The following AQP2 variants were observed in gnomAD, a reference collection of about 807,000 sequenced individuals.
AQP2 encodes aquaporin-2.
In AQP2, 20 loss-of-function variants were observed where a neutral mutation model predicts 21.6. The observed-to-expected ratio is 0.92, with a 90% CI of 0.65 to 1.34. The LOEUF is 1.34. AQP2 is among the 40% of genes most tolerant of loss of function. The pLI, the probability that AQP2 is intolerant of heterozygous loss-of-function variation, is 0.00. For synonymous variants in AQP2, 168 were observed against 166.9 expected, an observed-to-expected ratio of 1.01 and a Z score of -0.05; for missense variants, 325 against 363.4, an observed-to-expected ratio of 0.89 and a Z score of 0.86.
intron 1 of AQP2, among the ~76,000 whole-genome samples, chr12:49,953,392 G>A (rs1947343288): frequency 6.6e-6 from 1 of 152,146 alleles, no homozygotes; most frequent in Non-Finnish European, 1.5e-5. Flanking sequence ...TGCTGGGTGC[G>A]GCCCAGTTAT....
rs296768 is a variant in AQP2, at chr12:49,958,103, A to G, written c.*2495A>G. 139,686 of 152,198 alleles carry G rather than the reference A, an allele frequency of 0.92. 65,048 individuals carry two copies. Among genetic ancestry groups the G allele is most frequent in the Non-Finnish European group, 1 (67,781 of 68,038 alleles). The allele number at this position is 152,198 out of a possible 1,614,324, so 9.4% of individuals were successfully genotyped here. On this transcript the variant is annotated 3_prime_UTR_variant, in exon 4 of 4. Coordinates refer to ENST00000199280, the MANE Select transcript of AQP2 (RefSeq NM_000486.6). Reference sequence around the variant, plus strand: ...TGTGCTGGGTGCCTTGCATGCACGGACTTATCTGATCTTCCTCAAACTTCA... The same window carrying G: ...TGTGCTGGGTGCCTTGCATGCACGGGCTTATCTGATCTTCCTCAAACTTCA...
rs559081184 is a variant in AQP2 at position 49,953,245 on chromosome 12, G to C, written c.361-910G>C. On this transcript the variant is annotated intron_variant, in intron 1 of 3. Coordinates refer to ENST00000199280, the MANE Select transcript of AQP2 (RefSeq NM_000486.6). ...CCCAAGGGTTCTGACCTGATGTCTC[G>C]GACCCAGGGGTGGGGGTTCAGGGCC... Among the ~76,000 whole-genome samples, 4 of 152,304 alleles carry C rather than the reference G, an allele frequency of 2.6e-5. No homozygotes were observed. The East Asian group carries it at 7.7e-4, about 29-fold the overall frequency.
At position 49,955,741 on chromosome 12, in the gene AQP2, C is replaced by G; in HGVS notation, c.*133C>G. 4 of 1,209,892 alleles carry G rather than the reference C, an allele frequency of 3.3e-6. No homozygotes were observed. Among genetic ancestry groups the G allele is most frequent in the Non-Finnish European group, 3.5e-6 (3 of 853,244 alleles). 74.9% of individuals were successfully genotyped at this position (1,209,892 alleles called of 1,614,324 possible). A position where few individuals can be genotyped will look rare whatever the true frequency, so the allele number is the denominator to read the frequency against. On this transcript the variant is annotated 3_prime_UTR_variant, in exon 4 of 4. Coordinates refer to ENST00000199280, the MANE Select transcript of AQP2 (RefSeq NM_000486.6). Reference sequence around the variant, plus strand: ...AGAGTAGCTGCTTCCTGGACGTGCGCGCCCAGGCCAGTGCTGTGAGCAGGC... The same window carrying G: ...AGAGTAGCTGCTTCCTGGACGTGCGGGCCCAGGCCAGTGCTGTGAGCAGGC...
At position 49,958,718 on chromosome 12, in the gene AQP2, T is replaced by C. The variant is rs1466236753; in HGVS notation, c.*3110T>C. 1 of 152,246 alleles carries C rather than the reference T, an allele frequency of 6.6e-6. No individual in the cohort carries two copies. Among genetic ancestry groups the C allele is most frequent in the Non-Finnish European group, 1.5e-5 (1 of 68,044 alleles). The allele number at this position is 152,246 out of a possible 1,614,324, so 9.4% of individuals were successfully genotyped here. A position where few individuals can be genotyped will look rare whatever the true frequency, so the allele number is the denominator to read the frequency against. On this transcript the variant is annotated 3_prime_UTR_variant, in exon 4 of 4. Transcript: ENST00000199280. Reference sequence around the variant, plus strand: ...CAAATGGTGCTTCAATGTCGTTTTGTATCTTTAAGCTGTGATGTTGTATAT... The same window carrying C: ...CAAATGGTGCTTCAATGTCGTTTTGCATCTTTAAGCTGTGATGTTGTATAT...
Position 49,956,210 on chromosome 12 carries a change from A to G in AQP2, c.*602A>G, listed in dbSNP as rs760910086. On this transcript the variant is annotated 3_prime_UTR_variant, in exon 4 of 4. Transcript: ENST00000199280. The stretch of plus-strand genomic sequence containing the variant: ...ATGAGTGTGGGTGCCAGTCCTCCTC[A>G]GGAGAAGGGGAAGGGAAGGAGGCCA... The G allele has an allele frequency of 2.0e-4, 30 of 153,408 alleles. No homozygotes were observed. The highest frequency in any genetic ancestry group is 4.1e-4 in the Non-Finnish European group (28 of 68,886). The allele number at this position is 153,408 out of a possible 1,614,324, so 9.5% of individuals were successfully genotyped here. A position where few individuals can be genotyped will look rare whatever the true frequency, so the allele number is the denominator to read the frequency against.
intron 1 of AQP2, 102 bp from the exon 2 acceptor site, chr12:49,954,053 C>T (rs1947348108): frequency 2.6e-6 from 4 of 1,512,952 alleles, no homozygotes; most frequent in Non-Finnish European, 1.8e-6. Context: ...CGGCTCCCAG[C>T]CCAGAGGCCC....
At chr12:49,953,105 T>C (rs1947341169) in intron 1 of AQP2, among the ~76,000 whole-genome samples, 1 of 152,148 alleles carries the variant, frequency 6.6e-6, no homozygotes, top group African/African-American at 2.4e-5. Flanking sequence ...AATTAAGTAG[T>C]CCCATGGCAA....
At chr12:49,952,933 C>T (rs757282582) in intron 1 of AQP2, among the ~76,000 whole-genome samples, 16 of 152,310 alleles carry the variant, frequency 1.1e-4, no homozygotes, top group South Asian at 2.1e-4. Flanking sequence ...ATTGGTACAA[C>T]GCTATAAGGG....
chr12:49,955,954 A>T lies in AQP2; in HGVS notation c.*346A>T, dbSNP rs1947367140. 3.9e-6 allele frequency: 2 copies of T among 507,304 alleles called. No individual in the cohort carries two copies. The highest frequency in any genetic ancestry group is 6.4e-5 in the Admixed American group (2 of 31,224). 31.4% of individuals were successfully genotyped at this position (507,304 alleles called of 1,614,324 possible). ...GCCTGCACCCAGGTACTGAGTGGGGAGTGTACAGACCCCTGCCTTGGGGGT... is the reference window on the plus strand; with the variant it reads ...GCCTGCACCCAGGTACTGAGTGGGGTGTGTACAGACCCCTGCCTTGGGGGT... On this transcript the variant is annotated 3_prime_UTR_variant, in exon 4 of 4. Coordinates refer to ENST00000199280, the MANE Select transcript of AQP2 (RefSeq NM_000486.6).
chr12:49,955,322 G>A (rs1306852622), intron 3 of AQP2, 77 bp from the exon 4 acceptor site: 32 of 1,438,792 alleles, frequency 2.2e-5, no homozygotes, highest in Non-Finnish European at 2.9e-5. Context: ...CGGCCGCAGA[G>A]TGTGCCGCCG....
chr12:49,951,444 C>T (rs921690832), intron 1 of AQP2: 1 of 563,232 alleles, frequency 1.8e-6, no homozygotes, highest in African/African-American at 1.9e-5. Flanking sequence ...AGAGCCTCAT[C>T]CAGGTTTCTG....
chr12:49,953,782 G>T (rs999774693), intron 1 of AQP2, among the ~76,000 whole-genome samples: 15 of 152,316 alleles, frequency 9.8e-5, no homozygotes, highest in African/African-American at 2.9e-4. Context: ...CTGCTAACCG[G>T]CCCAAAGCTT....
In AQP2 at chr12:49,951,118, G is replaced by T. The variant is rs776733317; in HGVS notation, c.288G>T (p.Gly96=). ...TCTACGTGGCTGCCCAGCTGCTGGG[G>T]GCTGTGGCCGGAGCCGCTCTGCTCC... The part of the protein sequence containing the change: ...AAFYVAAQLL[G]AVAGAALLHE... Residue 96 remains glycine, a synonymous_variant, in exon 1 of 4, where the codon GGG becomes GGT. Coordinates refer to ENST00000199280, the MANE Select transcript of AQP2 (RefSeq NM_000486.6). The T allele has an allele frequency of 3.7e-6, 6 of 1,607,376 alleles. No homozygotes were observed. The South Asian group carries it at 6.6e-5, about 18-fold the overall frequency.
rs1420304394 is a variant in AQP2, at chr12:49,955,704, G to GC, written c.*102dup. 6.4e-5 allele frequency: 92 copies of GC among 1,429,300 alleles called. No individual in the cohort carries two copies. In the Middle Eastern group the frequency reaches 7.0e-4, roughly 11 times the overall value. The allele number at this position is 1,429,300 out of a possible 1,614,324, so 88.5% of individuals were successfully genotyped here. A position where few individuals can be genotyped will look rare whatever the true frequency, so the allele number is the denominator to read the frequency against. ...CTCCTCTCCCGCAGGTCTGAAGTTGGCCCCCCAGCGCAGAGTAGCTGCTTC... is the reference window on the plus strand; with the variant it reads ...CTCCTCTCCCGCAGGTCTGAAGTTGGCCCCCCCAGCGCAGAGTAGCTGCTTC... On this transcript the variant is annotated 3_prime_UTR_variant, in exon 4 of 4. Transcript: ENST00000199280.
chr12:49,953,330 C>A (rs1947342817), intron 1 of AQP2, among the ~76,000 whole-genome samples: 1 of 152,150 alleles, frequency 6.6e-6, no homozygotes, highest in Non-Finnish European at 1.5e-5. Context: ...GTGCCCAGCC[C>A]CAGAAGGCAG....
intron 1 of AQP2, among the ~76,000 whole-genome samples, chr12:49,953,237 G>C (rs1297889511): frequency 6.6e-6 from 1 of 152,212 alleles, no homozygotes; most frequent in Admixed American, 6.5e-5. Flanking sequence ...GTTCTGACCT[G>C]ATGTCTCGGA....
Position 49,956,538 on chromosome 12 carries a change from G to GC in AQP2, c.*934dup, listed in dbSNP as rs1393263017. On this transcript the variant is annotated 3_prime_UTR_variant, in exon 4 of 4. Coordinates refer to ENST00000199280, the MANE Select transcript of AQP2 (RefSeq NM_000486.6). ...GCCCGGGACCCCCGTCTCCAGGGGT[G>GC]CCCCAGACCCAGAGATTAGCCTCCC... 6.6e-6 allele frequency: 1 copy of GC among 152,186 alleles called. No homozygotes were observed. The highest frequency in any genetic ancestry group is 6.5e-5 in the Admixed American group (1 of 15,288). 9.4% of individuals were successfully genotyped at this position (152,186 alleles called of 1,614,324 possible).
At chr12:49,952,334 C>T (rs1460583991) in intron 1 of AQP2, among the ~76,000 whole-genome samples, 1 of 152,100 alleles carries the variant, frequency 6.6e-6, no homozygotes, top group Non-Finnish European at 1.5e-5. Context: ...TTTCAAACTC[C>T]TAACCTCAAG....
intron 3 of AQP2, among the ~76,000 whole-genome samples, 165 bp from the exon 4 acceptor site, chr12:49,955,234 G>C (rs1197913485): frequency 6.6e-6 from 1 of 152,250 alleles, no homozygotes; most frequent in Non-Finnish European, 1.5e-5. Flanking sequence ...CACTGACAAG[G>C]CTTCCCCAGC....
Sources: allele counts gnomAD v4.1 joint callset (sites outside exome capture counted in the v4.1 genomes callset), GRCh38; gene constraint gnomAD v4.1.1; transcripts MANE v1.5; gene names NCBI Gene and HGNC (gene_info 2026-07-23, HGNC 2026-07-21).